The following GLRA2 variants were observed in gnomAD, a reference collection of about 807,000 sequenced individuals.
The protein encoded by GLRA2 is glycine receptor subunit alpha-2.
GLRA2 carries 11 observed loss-of-function variants against 31.6 expected under a neutral mutation model. The observed-to-expected ratio is 0.35, with a 90% CI of 0.22 to 0.58. The LOEUF (loss-of-function observed/expected upper bound fraction) is 0.58, where lower values mean the gene tolerates loss of function less well. Among genes scored for constraint, GLRA2 ranks in the 20% least tolerant of loss-of-function variants. The pLI, the probability that GLRA2 is intolerant of heterozygous loss-of-function variation, is 0.84. For synonymous variants in GLRA2, 132 were observed against 134.0 expected, an observed-to-expected ratio of 0.99 and a Z score of 0.10; for missense variants, 212 against 351.8, an observed-to-expected ratio of 0.60 and a Z score of 3.18.
intron 2 of GLRA2, among the ~76,000 whole-genome samples, chrX:14,564,483 G>T (rs1425516595): frequency 9.0e-6 from 1 of 111,614 alleles, no homozygotes; most frequent in Non-Finnish European, 1.9e-5. Flanking sequence ...TGAAATAAAA[G>T]GATGCTAAAC....
intron 2 of GLRA2, among the ~76,000 whole-genome samples, chrX:14,532,627 T>C (rs2089272235): frequency 8.9e-6 from 1 of 111,736 alleles, no homozygotes; most frequent in Non-Finnish European, 1.9e-5. Context: ...CCACAGTCCT[T>C]ATTTTTTCGT....
At chrX:14,460,696 G>A in the GLRA2 span, among the ~76,000 whole-genome samples, 1 of 112,137 alleles carries the variant, frequency 8.9e-6, no homozygotes, top group African/African-American at 3.2e-5. Context: ...TGTGGAATCA[G>A]TGGTGATATC....
chrX:14,544,810 T>C (rs2147015605), intron 2 of GLRA2, among the ~76,000 whole-genome samples: 1 of 111,694 alleles, frequency 9.0e-6, no homozygotes, highest in East Asian at 2.8e-4. Context: ...AAATATAATA[T>C]ATACTTTTAA....
chrX:14,646,311 T>G (rs921160731), intron 7 of GLRA2, among the ~76,000 whole-genome samples: 9 of 112,055 alleles, frequency 8.0e-5, no homozygotes, highest in Non-Finnish European at 1.3e-4. Context: ...GTTCCTTTAA[T>G]TGGCACAAAA....
intron 4 of GLRA2, among the ~76,000 whole-genome samples, chrX:14,588,134 C>T (rs1374081060): frequency 1.8e-5 from 2 of 111,006 alleles, no homozygotes; most frequent in East Asian, 2.8e-4. Flanking sequence ...CTCGAACTCC[C>T]GACAAGTGAT....
At chrX:14,651,382 T>C (rs749249399) in intron 7 of GLRA2, among the ~76,000 whole-genome samples, 2 of 111,718 alleles carry the variant, frequency 1.8e-5, no homozygotes, top group South Asian at 7.3e-4. Context: ...AAATTGATAT[T>C]ACATTATTAT....
chrX:14,518,954 G>A, the GLRA2 span, among the ~76,000 whole-genome samples: 2 of 98,872 alleles, frequency 2.0e-5, no homozygotes, highest in African/African-American at 7.4e-5. Context: ...GGAGCTTGAA[G>A]TGAGTCGAGA....
chrX:14,553,205 C>T (rs1463772963), intron 2 of GLRA2, among the ~76,000 whole-genome samples: 1 of 111,994 alleles, frequency 8.9e-6, no homozygotes, highest in Non-Finnish European at 1.9e-5. Context: ...TCTAACAATA[C>T]AAAATGTGGT....
chrX:14,469,106 T>G, the GLRA2 span, among the ~76,000 whole-genome samples: 2 of 111,681 alleles, frequency 1.8e-5, no homozygotes, highest in African/African-American at 3.3e-5. Flanking sequence ...TTTCTCCCAT[T>G]CTGTAGGTTG....
chrX:14,615,636 G>A (rs1372540598), intron 7 of GLRA2, among the ~76,000 whole-genome samples: 1 of 110,889 alleles, frequency 9.0e-6, no homozygotes. Context: ...CTGAATCTAC[G>A]AGGCATATTA....
At chrX:14,536,965 A>T (rs2089333146) in intron 2 of GLRA2, among the ~76,000 whole-genome samples, 1 of 111,654 alleles carries the variant, frequency 9.0e-6, no homozygotes, top group South Asian at 3.7e-4. Flanking sequence ...CAGTCATTTT[A>T]AAATGGCCTA....
chrX:14,716,283 G>A (rs2091783647), intron 8 of GLRA2, among the ~76,000 whole-genome samples: 1 of 111,332 alleles, frequency 9.0e-6, no homozygotes, highest in South Asian at 3.8e-4. Flanking sequence ...TTTTAAAGAT[G>A]AGGAAATTGA....
chrX:14,519,370 T>G, the GLRA2 span, among the ~76,000 whole-genome samples: 1 of 111,554 alleles, frequency 9.0e-6, no homozygotes, highest in Non-Finnish European at 1.9e-5. Flanking sequence ...CAGTCTACTT[T>G]ATATAGGTTT....
the GLRA2 span, among the ~76,000 whole-genome samples, chrX:14,507,689 C>CTTATTTTTTTTTTTTTTT: frequency 6.4e-5 from 3 of 46,629 alleles, no homozygotes; most frequent in Non-Finnish European, 1.2e-4. Context: ...GAAAGACATT[C>CTTATTTTTTTTTTTTTTT]TTTTTTTTTT....
chrX:14,596,708 CTCTT>C (rs1389071349), intron 4 of GLRA2, among the ~76,000 whole-genome samples: 7 of 111,030 alleles, frequency 6.3e-5, no homozygotes, highest in Non-Finnish European at 1.3e-4. Context: ...AATTATAGAC[CTCTT>C]TCTTAAAACC....
the GLRA2 span, among the ~76,000 whole-genome samples, chrX:14,515,673 T>G: frequency 8.9e-6 from 1 of 112,263 alleles, no homozygotes; most frequent in Admixed American, 9.5e-5. Flanking sequence ...TTAATTATTA[T>G]GCTTTTCATT....
chrX:14,658,149 G>A (rs1455348220), intron 7 of GLRA2, among the ~76,000 whole-genome samples: 1 of 110,776 alleles, frequency 9.0e-6, no homozygotes, highest in Admixed American at 9.6e-5. Context: ...TACAAAATTC[G>A]GCTCAAGAAT....
At chrX:14,604,477 G>A (rs1312281088) in intron 5 of GLRA2, 80 bp downstream of exon 5, 3 of 597,514 alleles carry the variant, frequency 5.0e-6, no homozygotes, top group Non-Finnish European at 5.5e-6. Flanking sequence ...TAAAGAGAAA[G>A]GACCCTTACA....
At chrX:14,623,613 GT>G (rs1368875442) in intron 7 of GLRA2, among the ~76,000 whole-genome samples, 4 of 111,496 alleles carry the variant, frequency 3.6e-5, no homozygotes, top group Non-Finnish European at 7.5e-5. Flanking sequence ...ATAATCATGT[GT>G]TTTTGTCATT....
Sources: gnomAD v4.1 joint callset for allele counts (sites outside exome capture counted in the v4.1 genomes callset) on GRCh38, gnomAD v4.1.1 for gene constraint, MANE v1.5 for transcripts, NCBI Gene and HGNC (gene_info 2026-07-23, HGNC 2026-07-21) for gene names.